KBTBD12: variants seen among roughly 807,000 people sequenced by gnomAD.
KBTBD12 encodes the protein kelch repeat and BTB domain containing 12.
KBTBD12 carries 53 observed loss-of-function variants against 58.7 expected under a neutral mutation model. The observed-to-expected ratio is 0.90, with a 90% CI of 0.72 to 1.14. The LOEUF is 1.14. Ranked by LOEUF, KBTBD12 falls within the 50% of genes most tolerant of loss-of-function variation. The probability of loss-of-function intolerance (pLI) is 0.00; values close to 1 mark genes in which losing one functional copy is unlikely to be tolerated. For missense variants in KBTBD12, 704 were observed against 751.3 expected, an observed-to-expected ratio of 0.94 and a Z score of 0.74; for synonymous variants, 236 against 259.8, an observed-to-expected ratio of 0.91 and a Z score of 0.88.
intron 4 of KBTBD12, among the ~76,000 whole-genome samples, chr3:127,941,540 A>G (rs1437013956): frequency 6.6e-6 from 1 of 152,192 alleles, no homozygotes; most frequent in African/African-American, 2.4e-5. Context: ...TCTCAATCTG[A>G]TAAAAGACAC....
chr3:127,945,164 C>CT lies in KBTBD12; in HGVS notation c.1492+14919dup, dbSNP rs56216317. On this transcript the variant is annotated intron_variant, in intron 4 of 5. Coordinates refer to ENST00000405109, the MANE Select transcript of KBTBD12 (RefSeq NM_207335.4). ...TGTTTTTTTTAAAAATAGTAGCTAT[C>CT]TTTTTTTTTTTTTTTTTTTTTTTTT... Among the ~76,000 whole-genome samples the CT allele has an allele frequency of 7.6e-4, 22 of 28,770 alleles. 8 individuals are homozygous for CT. The highest frequency in any genetic ancestry group is 2.0e-3 in the East Asian group (2 of 980). The allele number at this position is 28,770 out of a possible 152,430, so 18.9% of individuals were successfully genotyped here.
intron 4 of KBTBD12, among the ~76,000 whole-genome samples, chr3:127,930,504 A>G (rs527606182): frequency 6.6e-6 from 1 of 152,350 alleles, no homozygotes; most frequent in African/African-American, 2.4e-5. Context: ...TATGGCATTT[A>G]CAAGTGCCTT....
chr3:127,933,882 A>G (rs879559483), intron 4 of KBTBD12, among the ~76,000 whole-genome samples: 6 of 152,326 alleles, frequency 3.9e-5, no homozygotes, highest in Middle Eastern at 3.4e-3. Flanking sequence ...TGTTCCGTTT[A>G]GGTAAATTAG....
At chr3:127,942,161 A>T (rs1939963706) in intron 4 of KBTBD12, among the ~76,000 whole-genome samples, 1 of 152,226 alleles carries the variant, frequency 6.6e-6, no homozygotes, top group Admixed American at 6.5e-5. Context: ...ACAAAAGGTC[A>T]ATCATTTACT....
chr3:127,965,343 A>C (rs1406959129), intron 5 of KBTBD12, among the ~76,000 whole-genome samples: 1 of 152,234 alleles, frequency 6.6e-6, no homozygotes, highest in Non-Finnish European at 1.5e-5. Flanking sequence ...GGGACTTACT[A>C]TATGAGCTCT....
chr3:127,951,940 G>A (rs1384961023), intron 4 of KBTBD12, among the ~76,000 whole-genome samples: 2 of 152,166 alleles, frequency 1.3e-5, no homozygotes, highest in African/African-American at 4.8e-5. Flanking sequence ...GTTCTCAGTA[G>A]TATAAACACT....
chr3:127,917,129 A>G (rs915391680), intron 1 of KBTBD12, among the ~76,000 whole-genome samples: 3 of 152,150 alleles, frequency 2.0e-5, no homozygotes, highest in Non-Finnish European at 2.9e-5. Flanking sequence ...CAATTCTGAC[A>G]CCATCTACCT....
chr3:127,931,210 AT>A (rs879865381), intron 4 of KBTBD12, among the ~76,000 whole-genome samples: 91 of 150,378 alleles, frequency 6.1e-4, no homozygotes, highest in African/African-American at 1.9e-3. Context: ...TATCATGATG[AT>A]TTTTTTTTTA....
Position 127,984,381 on chromosome 3 carries a change from T to A in KBTBD12, c.*103T>A. ...ATGCCAGTCATGTGCACTGCATGCG[T>A]AGTGGCCTGTGTGTGAAGAAGCAGT... On this transcript the variant is annotated 3_prime_UTR_variant, in exon 6 of 6. Transcript: ENST00000405109. 2 of 1,079,026 alleles carry A rather than the reference T, an allele frequency of 1.9e-6. No homozygotes were observed. The highest frequency in any genetic ancestry group is 1.3e-6 in the Non-Finnish European group (1 of 744,476). 66.8% of individuals were successfully genotyped at this position (1,079,026 alleles called of 1,614,324 possible).
chr3:127,923,865 C>T lies in KBTBD12; in HGVS notation c.804C>T (p.Arg268=). 1 of 1,613,936 alleles carries T rather than the reference C, an allele frequency of 6.2e-7. No individual in the cohort carries two copies. The change falls in exon 2 of 6, where the codon CGC becomes CGT. Residue 268 remains arginine (R), a synonymous_variant. Coordinates refer to ENST00000405109, the MANE Select transcript of KBTBD12 (RefSeq NM_207335.4). ...CCCAACAGCACTCTCTAAATCTGCG[C>T]TATGGTATGGAGACTACCAGTCTTC... The part of the protein sequence containing the change: ...KTPQQHSLNL[R]YGMETTSLLL...
At chr3:127,918,759 ATATGCGTT>A (rs1939322894) in intron 1 of KBTBD12, among the ~76,000 whole-genome samples, 1 of 152,110 alleles carries the variant, frequency 6.6e-6, no homozygotes, top group Non-Finnish European at 1.5e-5. Context: ...TTAAAGGCCC[ATATGCGTT>A]AGAACTGTAG....
chr3:127,943,203 A>G (rs1407140559), intron 4 of KBTBD12, among the ~76,000 whole-genome samples: 1 of 152,216 alleles, frequency 6.6e-6, no homozygotes, highest in Non-Finnish European at 1.5e-5. Context: ...TTGTGTGTAT[A>G]CACAGAAGAG....
chr3:127,947,356 C>G (rs1055920482), intron 4 of KBTBD12, among the ~76,000 whole-genome samples: 4 of 152,176 alleles, frequency 2.6e-5, no homozygotes, highest in Non-Finnish European at 5.9e-5. Context: ...CAGCCCTGTT[C>G]CTTAGGCATG....
chr3:127,923,694 G>C lies in KBTBD12; in HGVS notation c.633G>C (p.Val211=). The part of the protein sequence containing the change: ...WVNHNKELRT[V]HLVELLKQVR... ...ATCATAACAAAGAATTGCGTACAGT[G>C]CATCTTGTTGAGCTTTTGAAGCAAG... Residue 211 remains valine (V), a synonymous_variant, in exon 2 of 6, where the codon GTG becomes GTC. Transcript: ENST00000405109. 1 of 1,613,800 alleles carries C rather than the reference G, an allele frequency of 6.2e-7. No homozygotes were observed. The highest frequency in any genetic ancestry group is 8.5e-7 in the Non-Finnish European group (1 of 1,179,798).
intron 4 of KBTBD12, among the ~76,000 whole-genome samples, chr3:127,945,764 C>T (rs1015347105): frequency 7.9e-5 from 12 of 151,530 alleles, no homozygotes; most frequent in South Asian, 6.3e-4. Context: ...CTACAACCTC[C>T]GCTTCCCAGG....
At chr3:127,952,685 A>G (rs1406070006) in intron 4 of KBTBD12, among the ~76,000 whole-genome samples, 2 of 152,226 alleles carry the variant, frequency 1.3e-5, no homozygotes, top group African/African-American at 4.8e-5. Flanking sequence ...ATACTCAGAC[A>G]CTTGTTTTAC....
intron 5 of KBTBD12, among the ~76,000 whole-genome samples, chr3:127,967,865 T>A (rs776754310): frequency 6.6e-6 from 1 of 152,238 alleles, no homozygotes; most frequent in Admixed American, 6.5e-5. Context: ...GCATGTCTTA[T>A]GAGCAGAGGT....
Position 127,923,578 on chromosome 3 carries a change from G to A in KBTBD12, c.517G>A (p.Glu173Lys), listed in dbSNP as rs755721545. Reference protein sequence around the residue: ...VSLHEEILEIEVHQFLTLIKS... With the variant: ...VSLHEEILEIKVHQFLTLIKS... ...CTTACATGAAGAAATACTAGAAATC[G>A]AAGTGCACCAATTTTTGACACTTAT... Residue 173 changes from glutamate to lysine, a missense_variant, in exon 2 of 6, where the codon GAA becomes AAA. Coordinates refer to ENST00000405109, the MANE Select transcript of KBTBD12 (RefSeq NM_207335.4). The A allele has an allele frequency of 3.1e-5, 50 of 1,613,246 alleles. 1 individual carries two copies. In the East Asian group the frequency reaches 1.0e-3, roughly 32 times the overall value.
At chr3:127,944,782 A>G (rs1388717538) in intron 4 of KBTBD12, among the ~76,000 whole-genome samples, 1 of 152,146 alleles carries the variant, frequency 6.6e-6, no homozygotes, top group Non-Finnish European at 1.5e-5. Flanking sequence ...CCCCCCACTG[A>G]TTATGATGTT....
Sources: gnomAD v4.1 joint callset for allele counts (sites outside exome capture counted in the v4.1 genomes callset) on GRCh38, gnomAD v4.1.1 for gene constraint, MANE v1.5 for transcripts, NCBI Gene and HGNC (gene_info 2026-07-23, HGNC 2026-07-21) for gene names.